Variants in SDK1 observed in about 807,000 individuals in gnomAD.
SDK1 encodes protein sidekick-1.
In SDK1, 157 loss-of-function variants were observed where a neutral mutation model predicts 245.5. The observed-to-expected ratio is 0.64, with a 90% CI of 0.56 to 0.73. SDK1 has a LOEUF of 0.73. Ranked by LOEUF, SDK1 falls within the 30% of genes least tolerant of loss-of-function variation. SDK1 has a pLI of 0.00. For synonymous variants in SDK1, 1,647 were observed against 1,278.5 expected (o/e 1.29, Z -6.15); for missense variants, 3,583 against 3,002.3 (o/e 1.19, Z -4.52).
chr7:3,761,563 A>AC (rs1241978938), intron 4 of SDK1, among the ~76,000 whole-genome samples: 1 of 151,322 alleles, frequency 6.6e-6, no homozygotes, highest in African/African-American at 2.4e-5. Context: ...CAAAAAAAAA[A>AC]AAAATAATAA....
chr7:4,264,472 G>A (rs1788311142), intron 44 of SDK1, among the ~76,000 whole-genome samples: 1 of 137,052 alleles, frequency 7.3e-6, no homozygotes, highest in Non-Finnish European at 1.6e-5. Flanking sequence ...GAGTGAGGGA[G>A]GCCGCGTGGA....
In SDK1 at chr7:3,557,154, A is replaced by G. The variant is rs943017483; in HGVS notation, c.299-61926A>G. On this transcript the variant is annotated intron_variant, in intron 1 of 44. Transcript: ENST00000404826. ...TAGGGAAACAGTAGAAAAAAAATCAATGTATCAAAAACCTGGTCCTTTAAA... is the reference window on the plus strand; with the variant it reads ...TAGGGAAACAGTAGAAAAAAAATCAGTGTATCAAAAACCTGGTCCTTTAAA... Among the ~76,000 whole-genome samples the G allele has an allele frequency of 2.6e-5, 4 of 152,134 alleles. 1 individual carries two copies. Among genetic ancestry groups the G allele is most frequent in the Admixed American group, 2.6e-4 (4 of 15,270 alleles).
intron 1 of SDK1, among the ~76,000 whole-genome samples, chr7:3,374,899 G>T (rs1781315088): frequency 1.3e-5 from 2 of 152,076 alleles, no homozygotes; most frequent in Non-Finnish European, 2.9e-5. Context: ...ATTTTATGCA[G>T]TTTCTTTATA....
At chr7:3,472,084 C>G (rs1781202164) in intron 1 of SDK1, among the ~76,000 whole-genome samples, 1 of 152,030 alleles carries the variant, frequency 6.6e-6, no homozygotes, top group South Asian at 2.1e-4. Flanking sequence ...GTTTGCAGGT[C>G]CTTTCTTATC....
chr7:4,134,031 G>A (rs1247538763), intron 28 of SDK1, among the ~76,000 whole-genome samples: 2 of 152,188 alleles, frequency 1.3e-5, no homozygotes, highest in African/African-American at 2.4e-5. Context: ...CAAGGTCTTT[G>A]AGTGGGAAAG....
intron 22 of SDK1, among the ~76,000 whole-genome samples, chr7:4,106,763 C>T (rs757960658): frequency 3.0e-4 from 46 of 152,130 alleles, no homozygotes; most frequent in Admixed American, 2.9e-3. Context: ...GGCAGCCTCC[C>T]GGGCCTTACT....
intron 1 of SDK1, among the ~76,000 whole-genome samples, chr7:3,407,696 C>G (rs564174671): frequency 1.3e-5 from 2 of 152,266 alleles, no homozygotes; most frequent in African/African-American, 4.8e-5. Context: ...AGATGAAGTT[C>G]TTTCATTTTG....
intron 4 of SDK1, among the ~76,000 whole-genome samples, chr7:3,755,079 A>T (rs2114982324): frequency 6.6e-6 from 1 of 152,330 alleles, no homozygotes; most frequent in African/African-American, 2.4e-5. Flanking sequence ...TGCTATACCA[A>T]GGGAGCCATC....
chr7:3,312,579 A>T (rs7455851), intron 1 of SDK1, among the ~76,000 whole-genome samples: 2,617 of 149,580 alleles, frequency 0.017, 25 homozygotes, highest in African/African-American at 0.036. Context: ...GTTTTTTTTT[A>T]AAAAAAATAA....
At chr7:3,688,796 T>G (rs1417149562) in intron 4 of SDK1, among the ~76,000 whole-genome samples, 1 of 152,210 alleles carries the variant, frequency 6.6e-6, no homozygotes, top group Admixed American at 6.5e-5. Flanking sequence ...GGCCTCAGTT[T>G]GGATCCTGCC....
At chr7:3,992,407 G>A (rs963814318) in intron 14 of SDK1, among the ~76,000 whole-genome samples, 3 of 152,192 alleles carry the variant, frequency 2.0e-5, no homozygotes, top group African/African-American at 7.2e-5. Flanking sequence ...GACTCAGAGA[G>A]GGGCAGTAGT....
At chr7:3,624,650 C>G (rs528325346) in intron 2 of SDK1, among the ~76,000 whole-genome samples, 10 of 151,874 alleles carry the variant, frequency 6.6e-5, no homozygotes, top group Non-Finnish European at 1.0e-4. Flanking sequence ...TTTCTAAAAC[C>G]CAAGGCATAT....
At chr7:4,262,144 T>G (rs1317666806) in intron 44 of SDK1, among the ~76,000 whole-genome samples, 2 of 145,248 alleles carry the variant, frequency 1.4e-5, no homozygotes, top group African/African-American at 5.1e-5. Context: ...GTTCAAGGGA[T>G]TCTCCTGCCT....
chr7:3,745,226 C>G (rs1779584486), intron 4 of SDK1, among the ~76,000 whole-genome samples: 1 of 152,126 alleles, frequency 6.6e-6, no homozygotes, highest in African/African-American at 2.4e-5. Context: ...GAATATTACC[C>G]TTTAGGTATG....
intron 22 of SDK1, among the ~76,000 whole-genome samples, chr7:4,101,369 G>C (rs1362264551): frequency 6.6e-6 from 1 of 152,106 alleles, no homozygotes; most frequent in Admixed American, 6.5e-5. Flanking sequence ...GGATGGTCTC[G>C]ATCTCCTGAC....
chr7:3,618,595 A>G (rs1781840705), intron 1 of SDK1, among the ~76,000 whole-genome samples: 1 of 152,188 alleles, frequency 6.6e-6, no homozygotes, highest in Non-Finnish European at 1.5e-5. Flanking sequence ...GACCATTTCC[A>G]CGTGTGTATG....
chr7:3,940,793 C>G (rs1583594680), intron 5 of SDK1, among the ~76,000 whole-genome samples: 1 of 152,110 alleles, frequency 6.6e-6, no homozygotes, highest in East Asian at 1.9e-4. Flanking sequence ...TGCACTCCAG[C>G]CTGGGTGACA....
rs965300448 is a variant in SDK1 at position 4,266,076 on chromosome 7, C to T, written c.*692C>T. On this transcript the variant is annotated 3_prime_UTR_variant, in exon 45 of 45. Coordinates refer to ENST00000404826, the MANE Select transcript of SDK1 (RefSeq NM_152744.4). ...TCAGGCTTTTCTGCCTGTCTTTCCC[C>T]CTTCCTTCTCACCTGACAGCGAGGG... The T allele has an allele frequency of 1.8e-5, 18 of 985,374 alleles. No individual in the cohort carries two copies. The highest frequency in any genetic ancestry group is 5.2e-5 in the African/African-American group (3 of 57,242). The allele number at this position is 985,374 out of a possible 1,614,324, so 61.0% of individuals were successfully genotyped here.
chr7:3,596,997 G>T (rs1024138132), intron 1 of SDK1, among the ~76,000 whole-genome samples: 1 of 152,146 alleles, frequency 6.6e-6, no homozygotes, highest in African/African-American at 2.4e-5. Context: ...CAGGCTGAGC[G>T]AGGTGACTCA....
Sources: allele counts gnomAD v4.1 joint callset (sites outside exome capture counted in the v4.1 genomes callset), GRCh38; gene constraint gnomAD v4.1.1; transcripts MANE v1.5; gene names NCBI Gene and HGNC (gene_info 2026-07-23, HGNC 2026-07-21).